Variants in DCDC2 observed in about 807,000 individuals in gnomAD.
DCDC2 encodes doublecortin domain containing 2, also known as doublecortin domain-containing protein 2.
In DCDC2, 40 loss-of-function variants were observed where a neutral mutation model predicts 50.2. The ratio of observed to expected loss-of-function variants is 0.80; its 90% CI spans 0.62 to 1.04. The LOEUF (loss-of-function observed/expected upper bound fraction) is 1.04, where lower values mean the gene tolerates loss of function less well. Among genes scored for constraint, DCDC2 ranks in the 50% least tolerant of loss-of-function variants. DCDC2 has a pLI of 0.00. For synonymous variants in DCDC2, 234 were observed against 210.6 expected (o/e 1.11, Z -0.96); for missense variants, 570 against 581.9 (o/e 0.98, Z 0.21).
At chr6:24,243,885 G>A (rs531535691) in intron 7 of DCDC2, among the ~76,000 whole-genome samples, 1 of 152,128 alleles carries the variant, frequency 6.6e-6, no homozygotes, top group African/African-American at 2.4e-5. Context: ...CAAACATGAG[G>A]GTCTACAGAT....
At chr6:24,235,966 A>G (rs112854846) in intron 7 of DCDC2, among the ~76,000 whole-genome samples, 9,019 of 152,296 alleles carry the variant, frequency 0.059, 596 homozygotes, top group African/African-American at 0.17. Flanking sequence ...ACACAAATGG[A>G]AAAACATTCC....
At chr6:24,246,170 G>T (rs573711534) in intron 7 of DCDC2, among the ~76,000 whole-genome samples, 1 of 151,988 alleles carries the variant, frequency 6.6e-6, no homozygotes, top group East Asian at 1.9e-4. Flanking sequence ...ACAGACAAAA[G>T]AGATAAAAAC....
At chr6:24,295,185 C>A (rs1002517435) in intron 4 of DCDC2, among the ~76,000 whole-genome samples, 2 of 152,164 alleles carry the variant, frequency 1.3e-5, no homozygotes, top group Admixed American at 1.3e-4. Context: ...AATCAATAAA[C>A]GTGATTCACC....
At chr6:24,330,630 ATC>A (rs1759949109) in intron 2 of DCDC2, among the ~76,000 whole-genome samples, 3 of 152,294 alleles carry the variant, frequency 2.0e-5, no homozygotes, top group Non-Finnish European at 4.4e-5. Context: ...ATACTCTTTC[ATC>A]TCTTTCAAGA....
At chr6:24,180,557 G>A (rs1173984224) in intron 8 of DCDC2, among the ~76,000 whole-genome samples, 3 of 152,020 alleles carry the variant, frequency 2.0e-5, no homozygotes, top group African/African-American at 7.3e-5. Context: ...CAAAGTGCTG[G>A]GATTACAGGC....
At chr6:24,201,981 T>G (rs1459153507) in intron 8 of DCDC2, among the ~76,000 whole-genome samples, 1 of 151,818 alleles carries the variant, frequency 6.6e-6, no homozygotes, top group Non-Finnish European at 1.5e-5. Context: ...ATTCTGAAAT[T>G]GAGGCAGTAA....
chr6:24,278,203 A>G lies in DCDC2; in HGVS notation c.768T>C (p.Asp256=). ...GSRKSKGSGN[D]RHSKSTVGSS... is the part of the protein sequence containing the mutation. Reference sequence around the variant, plus strand: ...ATCCAACTGTTGACTTAGAGTGGCGATCATTTCCCTAAATGGCAAAGTATT... The same window carrying G: ...ATCCAACTGTTGACTTAGAGTGGCGGTCATTTCCCTAAATGGCAAAGTATT... Residue 256 remains aspartate (D), a synonymous_variant, in exon 7 of 10, where the codon GAT becomes GAC. Transcript: ENST00000378454. The G allele has an allele frequency of 6.2e-7, 1 of 1,606,976 alleles. No homozygotes were observed. The highest frequency in any genetic ancestry group is 8.5e-7 in the Non-Finnish European group (1 of 1,178,140).
At chr6:24,323,316 T>C (rs933196925) in intron 2 of DCDC2, among the ~76,000 whole-genome samples, 2 of 152,218 alleles carry the variant, frequency 1.3e-5, no homozygotes, top group Admixed American at 1.3e-4. Context: ...CAACCTAGTT[T>C]TGGCAGAACC....
intron 7 of DCDC2, among the ~76,000 whole-genome samples, chr6:24,221,167 C>T (rs1228451828): frequency 5.9e-5 from 9 of 152,116 alleles, no homozygotes; most frequent in African/African-American, 1.7e-4. Flanking sequence ...TAAGAGGGCA[C>T]CTTGATTACC....
chr6:24,177,570 T>C (rs1035394573), intron 9 of DCDC2, among the ~76,000 whole-genome samples: 7 of 152,130 alleles, frequency 4.6e-5, no homozygotes, highest in Non-Finnish European at 7.3e-5. Context: ...GGTGAGAATG[T>C]TATGGAGAAC....
At chr6:24,283,544 T>A (rs1481058708) in intron 6 of DCDC2, among the ~76,000 whole-genome samples, 1 of 152,170 alleles carries the variant, frequency 6.6e-6, no homozygotes, top group Non-Finnish European at 1.5e-5. Flanking sequence ...AAAACTCTAG[T>A]TCTGTGTCCC....
chr6:24,209,798 T>C (rs1423682200), intron 7 of DCDC2, among the ~76,000 whole-genome samples: 2 of 152,100 alleles, frequency 1.3e-5, no homozygotes, highest in African/African-American at 4.8e-5. Context: ...AAAGTAATAA[T>C]GGGATGGCGC....
At chr6:24,294,938 GA>G (rs1355964264) in intron 4 of DCDC2, among the ~76,000 whole-genome samples, 2 of 152,034 alleles carry the variant, frequency 1.3e-5, no homozygotes, top group African/African-American at 4.8e-5. Context: ...AAAAATTGAG[GA>G]GGAGGAACTC....
At chr6:24,193,300 C>G (rs1202655597) in intron 8 of DCDC2, among the ~76,000 whole-genome samples, 1 of 151,542 alleles carries the variant, frequency 6.6e-6, no homozygotes, top group Non-Finnish European at 1.5e-5. Flanking sequence ...ACATAGAATC[C>G]AAAAAAAGAA....
intron 7 of DCDC2, among the ~76,000 whole-genome samples, chr6:24,270,378 G>A (rs73394073): frequency 0.055 from 8,446 of 152,238 alleles, 511 homozygotes; most frequent in African/African-American, 0.16. Context: ...TCTAAAGCAT[G>A]GGTATCAGGA....
At chr6:24,195,465 G>C (rs543909224) in intron 8 of DCDC2, among the ~76,000 whole-genome samples, 1 of 152,222 alleles carries the variant, frequency 6.6e-6, no homozygotes, top group East Asian at 1.9e-4. Flanking sequence ...TTCACAATGG[G>C]AAGTAAACTT....
At chr6:24,346,937 A>G (rs758615132) in intron 2 of DCDC2, among the ~76,000 whole-genome samples, 1 of 152,176 alleles carries the variant, frequency 6.6e-6, no homozygotes, top group Non-Finnish European at 1.5e-5. Context: ...AGAGGTGGGC[A>G]TGAGATAATA....
In DCDC2 at chr6:24,200,776, T is replaced by C. The variant is rs1332130701; in HGVS notation, c.1023+4226A>G. On this transcript the variant is annotated intron_variant, in intron 8 of 9. Transcript: ENST00000378454. Reference sequence around the variant, plus strand: ...CTCATCTCATGTGCAAAGACACACATAGGCTCAAAATAAAGGGATGGAGGA... The same window carrying C: ...CTCATCTCATGTGCAAAGACACACACAGGCTCAAAATAAAGGGATGGAGGA... 4.7e-5 allele frequency among the ~76,000 whole-genome samples: 7 copies of C among 149,190 alleles called. No individual in the cohort carries two copies. In the East Asian group the frequency reaches 1.2e-3, roughly 25 times the overall value.
chr6:24,216,037 G>C (rs923269731), intron 7 of DCDC2, among the ~76,000 whole-genome samples: 4 of 152,196 alleles, frequency 2.6e-5, no homozygotes, highest in African/African-American at 9.6e-5. Flanking sequence ...GGGGTGGTTA[G>C]AAAGGAGGTG....
Sources: gnomAD v4.1 joint callset for allele counts (sites outside exome capture counted in the v4.1 genomes callset) on GRCh38, gnomAD v4.1.1 for gene constraint, MANE v1.5 for transcripts, NCBI Gene and HGNC (gene_info 2026-07-23, HGNC 2026-07-21) for gene names.